Variants in GDA observed in about 807,000 individuals in gnomAD.
GDA encodes the protein cytoplasmic PSD-95 interactor.
A neutral mutation model predicts 59.6 loss-of-function variants in GDA; 18 were observed. That is an observed-to-expected ratio of 0.30 (90% CI 0.21 to 0.45). The LOEUF is 0.45. GDA is among the 20% of genes least tolerant of loss of function. The pLI is 1.00. For missense variants in GDA, 427 were observed against 552.3 expected (o/e 0.77, Z 2.27); for synonymous variants, 201 against 201.1 (o/e 1.00, Z 0.00).
At chr9:72,134,237 T>G (rs536328050) in intron 1 of GDA, among the ~76,000 whole-genome samples, 1 of 152,300 alleles carries the variant, frequency 6.6e-6, no homozygotes, top group East Asian at 1.9e-4. Context: ...AGAGCTAGTG[T>G]CATCTTAAAC....
intron 1 of GDA, among the ~76,000 whole-genome samples, chr9:72,142,493 A>G (rs1168473767): frequency 6.6e-6 from 1 of 151,460 alleles, no homozygotes; most frequent in African/African-American, 2.4e-5. Flanking sequence ...GAATGGTGTG[A>G]ACTCGGGAGG....
At position 72,149,934 on chromosome 9, in the gene GDA, G is replaced by A. The variant is rs540895372; in HGVS notation, c.123+252G>A. 6.6e-5 allele frequency among the ~76,000 whole-genome samples: 10 copies of A among 152,352 alleles called. 1 individual carries two copies. The South Asian group carries it at 1.7e-3, about 25-fold the overall frequency. ...GCCACAACTGGCTCGACAGCAGTCC[G>A]GGCTGCGGTAGAGCCGGGAGCAAGG... On this transcript the variant is annotated intron_variant, in intron 1 of 13. Transcript: ENST00000358399.
chr9:72,136,531 A>G (rs1826230559), intron 1 of GDA, among the ~76,000 whole-genome samples: 1 of 152,176 alleles, frequency 6.6e-6, no homozygotes, highest in South Asian at 2.1e-4. Context: ...GATGAATCTG[A>G]TGGGGAAAAA....
intron 1 of GDA, among the ~76,000 whole-genome samples, chr9:72,137,830 TGGGGA>T (rs1826297335): frequency 6.6e-6 from 1 of 151,858 alleles, no homozygotes; most frequent in Admixed American, 6.6e-5. Context: ...AAGTGCTCCC[TGGGGA>T]GTGTAAGAAT....
chr9:72,117,965 C>T (rs1389019239), intron 1 of GDA, among the ~76,000 whole-genome samples: 3 of 151,964 alleles, frequency 2.0e-5, no homozygotes, highest in African/African-American at 7.3e-5. Context: ...TATATGTAGG[C>T]GAAAGATATT....
downstream of GDA, among the ~76,000 whole-genome samples, chr9:72,258,889 A>G (rs1840912207): frequency 6.6e-6 from 1 of 152,322 alleles, no homozygotes; most frequent in Admixed American, 6.5e-5. Context: ...AGAATGGGTA[A>G]TGACATGGCA....
intron 1 of GDA, among the ~76,000 whole-genome samples, chr9:72,126,257 G>A (rs988364264): frequency 6.6e-6 from 1 of 152,098 alleles, no homozygotes; most frequent in Admixed American, 6.6e-5. Context: ...GGCTAAACAC[G>A]ATATTTTCTT....
chr9:72,145,086 C>G (rs1354861139), upstream of GDA, among the ~76,000 whole-genome samples: 1 of 152,166 alleles, frequency 6.6e-6, no homozygotes, highest in African/African-American at 2.4e-5. Context: ...CTTCCCTGCA[C>G]TCTCTGTACC....
intron 1 of GDA, among the ~76,000 whole-genome samples, chr9:72,129,083 C>G (rs1227169764): frequency 6.6e-6 from 1 of 152,120 alleles, no homozygotes; most frequent in Non-Finnish European, 1.5e-5. Context: ...CTGCCTCAGC[C>G]TCCTGAATAG....
At chr9:72,210,888 A>C (rs1835272858) in intron 4 of GDA, 114 bp downstream of exon 4, 1 of 672,448 alleles carries the variant, frequency 1.5e-6, no homozygotes, top group Admixed American at 2.5e-5. Context: ...CTAGAACATG[A>C]GCATTACATT....
At chr9:72,167,590 G>A (rs562635335) in intron 1 of GDA, among the ~76,000 whole-genome samples, 17 of 152,224 alleles carry the variant, frequency 1.1e-4, no homozygotes, top group South Asian at 2.1e-4. Context: ...GTTTTTCTGC[G>A]CCCAGCCTCT....
chr9:72,235,813 G>A (rs909069039), intron 10 of GDA, among the ~76,000 whole-genome samples: 5 of 152,000 alleles, frequency 3.3e-5, no homozygotes, highest in Admixed American at 3.3e-4. Flanking sequence ...TACCTCCTAT[G>A]TGAAATATGA....
At chr9:72,199,309 T>C (rs1833632046) in intron 2 of GDA, among the ~76,000 whole-genome samples, 2 of 152,202 alleles carry the variant, frequency 1.3e-5, no homozygotes, top group African/African-American at 4.8e-5. Context: ...ACCTTGATTC[T>C]GGGAATCTTT....
chr9:72,159,251 A>G (rs140282217), intron 1 of GDA, among the ~76,000 whole-genome samples: 3 of 152,046 alleles, frequency 2.0e-5, no homozygotes, highest in Admixed American at 1.3e-4. Context: ...AAAATTAGCC[A>G]GGCATGATGG....
exon 1 of GDA, chr9:72,114,723 A>G (rs928267289): frequency 6.6e-6 from 1 of 151,984 alleles, no homozygotes; most frequent in Non-Finnish European, 1.5e-5. Context: ...AAAAACCTAT[A>G]TTGTCTGAGA....
At chr9:72,125,365 T>A (rs991295278) in intron 1 of GDA, among the ~76,000 whole-genome samples, 2 of 143,196 alleles carry the variant, frequency 1.4e-5, no homozygotes, top group Non-Finnish European at 3.1e-5. Context: ...TCTCTCTCTT[T>A]CTTTTTCTTT....
downstream of GDA, chr9:72,257,711 C>T (rs536386531): frequency 6.5e-6 from 1 of 153,506 alleles, no homozygotes; most frequent in East Asian, 1.9e-4. Flanking sequence ...CACTTGAGCT[C>T]ATGAGTTCAA....
chr9:72,137,408 G>A (rs368338705), intron 1 of GDA, among the ~76,000 whole-genome samples: 49 of 151,624 alleles, frequency 3.2e-4, no homozygotes, highest in African/African-American at 1.0e-3. Flanking sequence ...CACCACGCCC[G>A]GCTAATTTTT....
At chr9:72,255,671 C>T (rs941395307), downstream of GDA, among the ~76,000 whole-genome samples, 2 of 152,170 alleles carry the variant, frequency 1.3e-5, no homozygotes, top group African/African-American at 4.8e-5. Flanking sequence ...CACAACAAAC[C>T]CTCCAGCATC....
Sources: gnomAD v4.1 joint callset for allele counts (sites outside exome capture counted in the v4.1 genomes callset) on GRCh38, gnomAD v4.1.1 for gene constraint, MANE v1.5 for transcripts, NCBI Gene and HGNC (gene_info 2026-07-23, HGNC 2026-07-21) for gene names.